The following GLB1L3 variants were observed in gnomAD, a reference collection of about 807,000 sequenced individuals.
GLB1L3 encodes beta-galactosidase-1-like protein 3.
Under a neutral mutation model 89.5 loss-of-function variants are expected in GLB1L3, and 89 were observed. That is an observed-to-expected ratio of 0.99 (90% CI 0.84 to 1.19). The LOEUF is 1.19. Ranked by LOEUF, GLB1L3 falls within the 50% of genes most tolerant of loss-of-function variation. The pLI is 0.00. For synonymous variants in GLB1L3, 314 were observed against 312.3 expected (o/e 1.01, Z -0.06); for missense variants, 812 against 813.3 (o/e 1.00, Z 0.02).
downstream of GLB1L3, among the ~76,000 whole-genome samples, chr11:134,320,594 A>T (rs1943153096): frequency 6.6e-6 from 1 of 152,176 alleles, no homozygotes; most frequent in Admixed American, 6.5e-5. Context: ...TTTCGCTACT[A>T]CCTTAGTTCC....
intron 3 of GLB1L3, among the ~76,000 whole-genome samples, chr11:134,279,242 A>T (rs759990301): frequency 3.3e-5 from 5 of 152,100 alleles, no homozygotes; most frequent in Non-Finnish European, 7.3e-5. Flanking sequence ...TGTGAGGTGA[A>T]GGGTTTGGGG....
chr11:134,300,331 ATTTTT>A (rs3065410), intron 9 of GLB1L3, among the ~76,000 whole-genome samples: 10 of 131,570 alleles, frequency 7.6e-5, no homozygotes, highest in Non-Finnish European at 1.1e-4. Context: ...TATTGACCAC[ATTTTT>A]TTTTTTTTTT....
At chr11:134,308,473 AATAC>A (rs1565413921) in intron 10 of GLB1L3, among the ~76,000 whole-genome samples, 1 of 4,752 alleles carries the variant, frequency 2.1e-4, no homozygotes, top group African/African-American at 9.2e-4. Context: ...ACCACCACCA[AATAC>A]CACCACCACC....
At chr11:134,324,834 T>C in the GLB1L3 span, among the ~76,000 whole-genome samples, 60 of 152,192 alleles carry the variant, frequency 3.9e-4, no homozygotes, top group African/African-American at 1.4e-3. Flanking sequence ...CATCAAGCAA[T>C]TCTAAAATGA....
chr11:134,313,485 G>T lies in GLB1L3; in HGVS notation c.1579+11G>T. 1 of 1,565,826 alleles carries T rather than the reference G, an allele frequency of 6.4e-7. No homozygotes were observed. Among genetic ancestry groups the T allele is most frequent in the Non-Finnish European group, 8.7e-7 (1 of 1,154,582 alleles). ...AGAATGAGCAGAAAGGTGGGCTCTGGCTGTGGCTTCTCCTCAGTTGCTCAG... is the reference window on the plus strand; with the variant it reads ...AGAATGAGCAGAAAGGTGGGCTCTGTCTGTGGCTTCTCCTCAGTTGCTCAG... On this transcript the variant is annotated intron_variant, in intron 16 of 19. Transcript: ENST00000431683.
intron 10 of GLB1L3, among the ~76,000 whole-genome samples, chr11:134,308,474 A>G (rs1440436065): frequency 4.5e-4 from 2 of 4,490 alleles, no homozygotes; most frequent in East Asian, 9.4e-3. Context: ...CCACCACCAA[A>G]TACCACCACC....
chr11:134,280,728 C>T (rs577068825), intron 3 of GLB1L3, among the ~76,000 whole-genome samples: 11 of 151,980 alleles, frequency 7.2e-5, no homozygotes, highest in South Asian at 2.1e-4. Context: ...GTCAGTTCTA[C>T]GATGTATTGT....
intron 9 of GLB1L3, among the ~76,000 whole-genome samples, chr11:134,302,552 G>A (rs1942000040): frequency 6.6e-6 from 1 of 151,944 alleles, no homozygotes; most frequent in Non-Finnish European, 1.5e-5. Flanking sequence ...AGATTTCTGT[G>A]GTTTTTCTTT....
intron 6 of GLB1L3, among the ~76,000 whole-genome samples, chr11:134,286,604 G>A (rs934207435): frequency 6.6e-6 from 1 of 151,652 alleles, no homozygotes; most frequent in Non-Finnish European, 1.5e-5. Flanking sequence ...GTGAAACCCC[G>A]TCTCTACTAA....
At chr11:134,286,582 T>G (rs182326686) in intron 6 of GLB1L3, among the ~76,000 whole-genome samples, 5 of 148,554 alleles carry the variant, frequency 3.4e-5, no homozygotes, top group Non-Finnish European at 6.0e-5. Flanking sequence ...GGAGACCATC[T>G]TGGCTAACAC....
At chr11:134,306,987 A>G in intron 9 of GLB1L3, 137 bp from the exon 10 acceptor site, 1 of 611,732 alleles carries the variant, frequency 1.6e-6, no homozygotes, top group Non-Finnish European at 2.9e-6. Flanking sequence ...GAAATACTGG[A>G]TCAAAACGGG....
intron 16 of GLB1L3, 110 bp downstream of exon 16, chr11:134,313,584 T>C (rs2136227382): frequency 3.2e-6 from 3 of 949,126 alleles, no homozygotes. Flanking sequence ...AGCAGTGGGC[T>C]ACCCAGGCCC....
intron 11 of GLB1L3, 78 bp from the exon 12 acceptor site, chr11:134,310,493 C>A: frequency 9.2e-7 from 1 of 1,091,710 alleles, no homozygotes; most frequent in South Asian, 1.3e-5. Flanking sequence ...GTGGCCCTGG[C>A]CATCTCCTGC....
At chr11:134,293,891 C>T (rs1162645664) in intron 9 of GLB1L3, among the ~76,000 whole-genome samples, 5 of 152,054 alleles carry the variant, frequency 3.3e-5, no homozygotes, top group Admixed American at 2.6e-4. Flanking sequence ...CCAGCTGGGC[C>T]GCTGTGAGCC....
chr11:134,319,422 T>A lies in GLB1L3; in HGVS notation c.*480T>A, dbSNP rs1162188680. 1 of 153,368 alleles carries A rather than the reference T, an allele frequency of 6.5e-6. No homozygotes were observed. Among genetic ancestry groups the A allele is most frequent in the Admixed American group, 6.5e-5 (1 of 15,428 alleles). The allele number at this position is 153,368 out of a possible 1,614,324, so 9.5% of individuals were successfully genotyped here. A position where few individuals can be genotyped will look rare whatever the true frequency, so the allele number is the denominator to read the frequency against. ...TTATGTATTTTGTAGTCTATCTATATGATGCCTATTTTTAGGCTTTAAAAA... is the reference window on the plus strand; with the variant it reads ...TTATGTATTTTGTAGTCTATCTATAAGATGCCTATTTTTAGGCTTTAAAAA... On this transcript the variant is annotated 3_prime_UTR_variant, in exon 20 of 20. Transcript: ENST00000431683.
chr11:134,323,390 CACACGT>C (rs879864886), downstream of GLB1L3, among the ~76,000 whole-genome samples: 41,749 of 102,620 alleles, frequency 0.41, 6,050 homozygotes, highest in African/African-American at 0.45. Context: ...CACACACACA[CACACGT>C]ACACACACAC....
intron 9 of GLB1L3, among the ~76,000 whole-genome samples, chr11:134,299,053 T>A (rs1941806172): frequency 6.6e-6 from 1 of 152,174 alleles, no homozygotes; most frequent in Non-Finnish European, 1.5e-5. Flanking sequence ...TGACTTATCT[T>A]TAAGTTCGTT....
At chr11:134,321,187 A>G (rs778394807), downstream of GLB1L3, among the ~76,000 whole-genome samples, 2 of 152,224 alleles carry the variant, frequency 1.3e-5, no homozygotes, top group Non-Finnish European at 2.9e-5. Flanking sequence ...CACTGTGTAA[A>G]GCGAGAGGGA....
rs536800278 is a variant in GLB1L3 at position 134,290,580 on chromosome 11, A to C, written c.730-1552A>C. On this transcript the variant is annotated intron_variant, in intron 7 of 19. Coordinates refer to ENST00000431683, the MANE Select transcript of GLB1L3 (RefSeq NM_001080407.3). ...AGAGTGAGACTCGTCCCCCCCCGCC[A>C]AAAAAAAAGAAAAGAAAAAAAAAGA... Among the ~76,000 whole-genome samples, 153 of 48,174 alleles carry C rather than the reference A, an allele frequency of 3.2e-3. 1 individual carries two copies. The highest frequency in any genetic ancestry group is 0.011 in the Middle Eastern group (1 of 90). The allele number at this position is 48,174 out of a possible 152,430, so 31.6% of individuals were successfully genotyped here.
Sources: allele counts gnomAD v4.1 joint callset (sites outside exome capture counted in the v4.1 genomes callset), GRCh38; gene constraint gnomAD v4.1.1; transcripts MANE v1.5; gene names NCBI Gene and HGNC (gene_info 2026-07-23, HGNC 2026-07-21).